Variants in FAM184A observed in about 807,000 individuals in gnomAD.
The protein encoded by FAM184A is family with sequence similarity 184 member A, also known as protein FAM184A.
FAM184A carries 99 observed loss-of-function variants against 143.8 expected under a neutral mutation model. The observed-to-expected ratio is 0.69, with a 90% CI of 0.58 to 0.81. The LOEUF is 0.81. Among genes scored for constraint, FAM184A ranks in the 40% least tolerant of loss-of-function variants. FAM184A has a pLI of 0.00. For synonymous variants in FAM184A, 427 were observed against 446.4 expected (o/e 0.96, Z 0.55); for missense variants, 1,217 against 1,310.5 (o/e 0.93, Z 1.10).
chr6:119,138,593 CTTATTATTATTATTATTA>C (rs141615745), intron 1 of FAM184A, among the ~76,000 whole-genome samples: 100,922 of 148,014 alleles, frequency 0.68, 36,452 homozygotes, highest in South Asian at 0.84. Flanking sequence ...CGCTCTTTCA[CTTATTATTATTATTATTA>C]TTATTATTAT....
At chr6:119,007,344 T>C (rs1191084768) in intron 6 of FAM184A, among the ~76,000 whole-genome samples, 3 of 152,166 alleles carry the variant, frequency 2.0e-5, no homozygotes, top group Admixed American at 2.0e-4. Context: ...TAATACCTAT[T>C]TTTCCTTGTA....
intron 1 of FAM184A, among the ~76,000 whole-genome samples, chr6:119,104,586 G>C (rs961702845): frequency 6.6e-6 from 1 of 152,124 alleles, no homozygotes; most frequent in South Asian, 2.1e-4. Context: ...CTAAGAATAT[G>C]ATCTTAAGTG....
At chr6:119,035,846 C>A (rs868211601) in intron 1 of FAM184A, among the ~76,000 whole-genome samples, 1 of 152,156 alleles carries the variant, frequency 6.6e-6, no homozygotes, top group Middle Eastern at 3.2e-3. Flanking sequence ...AACAAACGTA[C>A]ATCTTACGTG....
rs61476918 is a variant in FAM184A at position 118,991,751 on chromosome 6, C to CTTTTTTT, written c.2088+11141_2088+11147dup. ...ATTCAATGGGGTGCCCCTGAGAGGA[C>CTTTTTTT]TTTTTTTTTTTTTTTTTTTTTTTTT... On this transcript the variant is annotated intron_variant, in intron 9 of 17. Coordinates refer to ENST00000338891, the MANE Select transcript of FAM184A (RefSeq NM_024581.6). Among the ~76,000 whole-genome samples, 44 of 42,374 alleles carry CTTTTTTT rather than the reference C, an allele frequency of 1.0e-3. 6 individuals carry two copies. Among genetic ancestry groups the CTTTTTTT allele is most frequent in the East Asian group, 1.6e-3 (2 of 1,260 alleles). 27.8% of individuals were successfully genotyped at this position (42,374 alleles called of 152,430 possible). A position where few individuals can be genotyped will look rare whatever the true frequency, so the allele number is the denominator to read the frequency against.
chr6:118,983,291 G>A (rs183414132), intron 9 of FAM184A, among the ~76,000 whole-genome samples: 4 of 152,274 alleles, frequency 2.6e-5, no homozygotes, highest in Admixed American at 6.5e-5. Context: ...GTAATGTAAA[G>A]TGAATTAATT....
At position 118,959,765 on chromosome 6, in the gene FAM184A, G is replaced by GTCTT. The variant is rs1223385446; in HGVS notation, c.*334_*337dup. ...ATAATGCAGTAAAACTTGTTGACAA[G>GTCTT]TCTTACCTGGAATTAAAAAATATTT... is the stretch of plus-strand genomic sequence containing the variant. On this transcript the variant is annotated 3_prime_UTR_variant, in exon 18 of 18. Coordinates refer to ENST00000338891, the MANE Select transcript of FAM184A (RefSeq NM_024581.6). 6.2e-6 allele frequency: 1 copy of GTCTT among 162,596 alleles called. No homozygotes were observed. The highest frequency in any genetic ancestry group is 1.3e-5 in the Non-Finnish European group (1 of 74,858). The allele number at this position is 162,596 out of a possible 1,614,324, so 10.1% of individuals were successfully genotyped here.
chr6:119,101,589 C>T lies in FAM184A; in HGVS notation c.-202+47489G>A, dbSNP rs532874321. Among the ~76,000 whole-genome samples, 4 of 152,234 alleles carry T rather than the reference C, an allele frequency of 2.6e-5. No homozygotes were observed. The East Asian group carries it at 5.8e-4, about 22-fold the overall frequency. On this transcript the variant is annotated intron_variant, in intron 1 of 16. Transcript: ENST00000352896. ...CATACCCACATTTGTCTTCTATAATCGCGCAAATTTCTTGAGTGTGGGCAT... is the reference window on the plus strand; with the variant it reads ...CATACCCACATTTGTCTTCTATAATTGCGCAAATTTCTTGAGTGTGGGCAT...
chr6:119,135,107 A>T (rs1789628872), intron 1 of FAM184A, among the ~76,000 whole-genome samples: 1 of 152,224 alleles, frequency 6.6e-6, no homozygotes, highest in Non-Finnish European at 1.5e-5. Context: ...ACATAAATGG[A>T]TAAACTAATT....
chr6:119,116,302 A>C (rs1390085918), intron 1 of FAM184A, among the ~76,000 whole-genome samples: 1 of 151,978 alleles, frequency 6.6e-6, no homozygotes, highest in East Asian at 1.9e-4. Context: ...GGAGCTAAAC[A>C]CTAAGTACAC....
chr6:119,034,176 A>G (rs1018382168), intron 1 of FAM184A, among the ~76,000 whole-genome samples: 1 of 151,302 alleles, frequency 6.6e-6, no homozygotes, highest in Admixed American at 6.6e-5. Context: ...CATACATTCT[A>G]AAGAAAAAAG....
intron 1 of FAM184A, among the ~76,000 whole-genome samples, chr6:119,097,863 C>T (rs982166640): frequency 6.6e-6 from 1 of 152,174 alleles, no homozygotes; most frequent in African/African-American, 2.4e-5. Context: ...CTTTCCTCAC[C>T]TTTCTGTCTT....
intron 1 of FAM184A, among the ~76,000 whole-genome samples, chr6:119,133,292 T>C (rs1789583015): frequency 6.6e-6 from 1 of 152,192 alleles, no homozygotes; most frequent in South Asian, 2.1e-4. Flanking sequence ...ATTGTTTTAC[T>C]AGTTTATTAT....
chr6:119,010,417 G>A (rs772273121), intron 6 of FAM184A, among the ~76,000 whole-genome samples: 1 of 151,926 alleles, frequency 6.6e-6, no homozygotes, highest in South Asian at 2.1e-4. Context: ...TTTTATCATT[G>A]TTAATTTTAT....
Position 118,975,213 on chromosome 6 carries a change from T to TA in FAM184A, c.2584-6dup, listed in dbSNP as rs78125835. 0.2 allele frequency: 248,342 copies of TA among 1,242,412 alleles called. 7,333 individuals are homozygous for TA. The highest frequency in any genetic ancestry group is 0.26 in the African/African-American group (16,952 of 64,056). 77.0% of individuals were successfully genotyped at this position (1,242,412 alleles called of 1,614,324 possible). ...TCTACATATGTGCTCCTTACTCTGT[T>TA]AAAAAAAAAAAGTCATTTTTAGAAG... is the stretch of plus-strand genomic sequence containing the variant. On this transcript the variant is annotated splice_polypyrimidine_tract_variant and splice_region_variant and intron_variant, in intron 12 of 17. Coordinates refer to ENST00000338891, the MANE Select transcript of FAM184A (RefSeq NM_024581.6).
intron 6 of FAM184A, among the ~76,000 whole-genome samples, chr6:119,008,556 TG>T (rs1784996847): frequency 6.6e-6 from 1 of 152,222 alleles, no homozygotes; most frequent in African/African-American, 2.4e-5. Flanking sequence ...ACATTATCCT[TG>T]GACTTTACAG....
intron 1 of FAM184A, among the ~76,000 whole-genome samples, chr6:119,148,786 A>C (rs1265752146): frequency 6.6e-6 from 1 of 152,038 alleles, no homozygotes; most frequent in East Asian, 1.9e-4. Flanking sequence ...CCAGGGAATC[A>C]GGATCTGTAT....
At chr6:119,023,636 C>A (rs377092700) in intron 2 of FAM184A, among the ~76,000 whole-genome samples, 15 of 144,068 alleles carry the variant, frequency 1.0e-4, no homozygotes, top group Admixed American at 6.5e-4. Context: ...TGAAGCGATC[C>A]TCCTGCCTGG....
At chr6:119,097,784 C>A (rs78740059) in intron 1 of FAM184A, among the ~76,000 whole-genome samples, 1 of 152,128 alleles carries the variant, frequency 6.6e-6, no homozygotes, top group Non-Finnish European at 1.5e-5. Context: ...CTCTCTCTGA[C>A]CTGCCTTCCT....
intron 5 of FAM184A, among the ~76,000 whole-genome samples, chr6:119,015,709 G>A (rs992020576): frequency 9.8e-5 from 15 of 152,366 alleles, no homozygotes; most frequent in African/African-American, 2.2e-4. Context: ...TGAGGAGTGC[G>A]AGCACATGGC....
Sources: gnomAD v4.1 joint callset for allele counts (sites outside exome capture counted in the v4.1 genomes callset) on GRCh38, gnomAD v4.1.1 for gene constraint, MANE v1.5 for transcripts, NCBI Gene and HGNC (gene_info 2026-07-23, HGNC 2026-07-21) for gene names.